Variants in TSEN15 observed in about 807,000 individuals in gnomAD.
The protein encoded by TSEN15 is tRNA-splicing endonuclease subunit Sen15.
Under a neutral mutation model 20.5 loss-of-function variants are expected in TSEN15, and 10 were observed. That is an observed-to-expected ratio of 0.49 (90% confidence interval 0.30 to 0.83). TSEN15 has a LOEUF of 0.83. Among genes scored for constraint, TSEN15 ranks in the 40% least tolerant of loss-of-function variants. The pLI is 0.06. For synonymous variants in TSEN15, 72 were observed against 80.1 expected, an observed-to-expected ratio of 0.90 and a Z score of 0.54; for missense variants, 180 against 218.6, an observed-to-expected ratio of 0.82 and a Z score of 1.11.
chr1:184,090,480 A>T (rs1651337928), intron 3 of TSEN15, among the ~76,000 whole-genome samples: 2 of 152,210 alleles, frequency 1.3e-5, no homozygotes, highest in African/African-American at 4.8e-5. Context: ...ATTATACCTC[A>T]GTAGAGTTGA....
At chr1:184,063,297 C>G (rs1572707962) in intron 3 of TSEN15, among the ~76,000 whole-genome samples, 1 of 152,312 alleles carries the variant, frequency 6.6e-6, no homozygotes, top group South Asian at 2.1e-4. Flanking sequence ...TGTAAACATT[C>G]CATATACCAA....
At chr1:184,081,861 A>G (rs1315544008) in intron 3 of TSEN15, among the ~76,000 whole-genome samples, 1 of 152,132 alleles carries the variant, frequency 6.6e-6, no homozygotes, top group Non-Finnish European at 1.5e-5. Flanking sequence ...TCAGAAACCT[A>G]GGGTCATTGG....
chr1:184,065,541 C>T lies in TSEN15; in HGVS notation c.354-6616C>T, dbSNP rs1650623280. Among the ~76,000 whole-genome samples, 3 of 152,266 alleles carry T rather than the reference C, an allele frequency of 2.0e-5. No individual in the cohort carries two copies. The South Asian group carries it at 6.2e-4, about 32-fold the overall frequency. ...TCCCTTTCTTCACCCCCAAACACAT[C>T]CCTGGCTGCTACTGAACTTTTTACT... On this transcript the variant is annotated intron_variant, in intron 3 of 4. Coordinates refer to ENST00000645668, the MANE Select transcript of TSEN15 (RefSeq NM_052965.4).
intron 3 of TSEN15, among the ~76,000 whole-genome samples, chr1:184,083,257 T>G (rs1171794695): frequency 1.3e-5 from 2 of 152,218 alleles, no homozygotes; most frequent in Non-Finnish European, 2.9e-5. Context: ...CAGAGCTTCA[T>G]GTACCTCAGG....
downstream of TSEN15, among the ~76,000 whole-genome samples, chr1:184,078,045 A>C (rs1651097635): frequency 1.3e-5 from 2 of 152,126 alleles, no homozygotes; most frequent in Non-Finnish European, 2.9e-5. Flanking sequence ...GTAGCATCAG[A>C]GTCTACAGAG....
rs80024033 is a variant in TSEN15 at position 184,081,144 on chromosome 1, T to C, written c.354-14546T>C. ...TGTGGATTGATACCTGTGTATGAACTACACTTTGAGTGGCATGTGTTAAAA... is the reference window on the plus strand; with the variant it reads ...TGTGGATTGATACCTGTGTATGAACCACACTTTGAGTGGCATGTGTTAAAA... On this transcript the variant is annotated intron_variant, in intron 3 of 3. Coordinates refer to the TSEN15 transcript ENST00000643231. 4.1e-3 allele frequency among the ~76,000 whole-genome samples: 629 copies of C among 152,326 alleles called. 5 individuals are homozygous for C. Among genetic ancestry groups the C allele is most frequent in the African/African-American group, 0.014 (577 of 41,574 alleles).
downstream of TSEN15, among the ~76,000 whole-genome samples, chr1:184,076,269 TTTA>T (rs1474286164): frequency 2.0e-5 from 3 of 152,280 alleles, no homozygotes; most frequent in Non-Finnish European, 4.4e-5. Flanking sequence ...TTAAACTTTT[TTTA>T]TTATTATATC....
intron 3 of TSEN15, among the ~76,000 whole-genome samples, chr1:184,085,343 C>T (rs925548942): frequency 6.6e-6 from 1 of 152,142 alleles, no homozygotes; most frequent in Admixed American, 6.5e-5. Flanking sequence ...TATAAGCATG[C>T]CTATATTACA....
At chr1:184,067,973 T>TATATATATACAC in intron 3 of TSEN15, among the ~76,000 whole-genome samples, 1 of 138,106 alleles carries the variant, frequency 7.2e-6, no homozygotes, top group African/African-American at 2.6e-5. Flanking sequence ...TATATATATG[T>TATATATATACAC]ACATATGTAT....
At chr1:184,060,582 T>C (rs1283616111) in intron 3 of TSEN15, among the ~76,000 whole-genome samples, 1 of 152,240 alleles carries the variant, frequency 6.6e-6, no homozygotes, top group African/African-American at 2.4e-5. Context: ...GCAGAGAATG[T>C]TACAGAATTT....
intron 3 of TSEN15, among the ~76,000 whole-genome samples, chr1:184,082,528 G>T (rs538633533): frequency 4.6e-5 from 7 of 152,210 alleles, no homozygotes; most frequent in African/African-American, 1.4e-4. Flanking sequence ...GTAGGAGTGG[G>T]TGCTGGCCAT....
At chr1:184,097,327 C>G (rs985055334) in exon 4 of TSEN15, 1 of 152,218 alleles carries the variant, frequency 6.6e-6, no homozygotes, top group African/African-American at 2.4e-5. Context: ...TGTTGTCCAA[C>G]TGTCCCCAAA....
chr1:184,066,750 T>C (rs1650678812), intron 3 of TSEN15, among the ~76,000 whole-genome samples: 1 of 152,160 alleles, frequency 6.6e-6, no homozygotes. Flanking sequence ...TCTCACTTTG[T>C]TCTTTAACAC....
intron 3 of TSEN15, chr1:184,095,190 C>G: frequency 2.5e-6 from 1 of 397,816 alleles, no homozygotes. Flanking sequence ...GTGCTCTGCT[C>G]TAGTCTCCAC....
At chr1:184,054,564 T>G in intron 2 of TSEN15, 129 bp downstream of exon 2, 1 of 1,175,520 alleles carries the variant, frequency 8.5e-7, no homozygotes, top group Non-Finnish European at 1.2e-6. Flanking sequence ...TGCAATTTAT[T>G]TATTTACATT....
intron 3 of TSEN15, among the ~76,000 whole-genome samples, chr1:184,084,864 A>G (rs1651232676): frequency 6.6e-6 from 1 of 152,066 alleles, no homozygotes. Flanking sequence ...TCTGGAGGGG[A>G]CAAACATTCA....
chr1:184,058,044 C>T, intron 3 of TSEN15: 2 of 324,514 alleles, frequency 6.2e-6, no homozygotes, highest in South Asian at 5.5e-5. Context: ...TGAAATTAAC[C>T]TGCATTTATT....
intron 3 of TSEN15, among the ~76,000 whole-genome samples, chr1:184,066,891 C>A (rs1340520544): frequency 6.6e-6 from 1 of 152,152 alleles, no homozygotes; most frequent in African/African-American, 2.4e-5. Context: ...GAATTGGTAT[C>A]CAGGAACATG....
In TSEN15 at chr1:184,073,058, T is replaced by C. The variant is rs1038350809; in HGVS notation, c.*211T>C. Reference sequence around the variant, plus strand: ...ATATAGGGTGATTTCTTTAAAACTTTGTTATCTAGAGACAGTTTAATTACA... The same window carrying C: ...ATATAGGGTGATTTCTTTAAAACTTCGTTATCTAGAGACAGTTTAATTACA... On this transcript the variant is annotated 3_prime_UTR_variant, in exon 5 of 5. Transcript: ENST00000645668. 1 of 552,866 alleles carries C rather than the reference T, an allele frequency of 1.8e-6. No homozygotes were observed. Among genetic ancestry groups the C allele is most frequent in the Non-Finnish European group, 3.1e-6 (1 of 317,966 alleles). The allele number at this position is 552,866 out of a possible 1,614,324, so 34.2% of individuals were successfully genotyped here.
Sources: gnomAD v4.1 joint callset for allele counts (sites outside exome capture counted in the v4.1 genomes callset) on GRCh38, gnomAD v4.1.1 for gene constraint, MANE v1.5 for transcripts, NCBI Gene and HGNC (gene_info 2026-07-23, HGNC 2026-07-21) for gene names.